Variants in OXR1 observed in about 807,000 individuals in gnomAD.
OXR1 encodes oxidation resistance protein 1.
Under a neutral mutation model 104.6 loss-of-function variants are expected in OXR1, and 41 were observed. The ratio of observed to expected loss-of-function variants is 0.39; its 90% CI spans 0.31 to 0.51. OXR1 has a LOEUF of 0.51. Ranked by LOEUF, OXR1 falls within the 20% of genes least tolerant of loss-of-function variation. The probability of loss-of-function intolerance (pLI) is 0.77; values close to 1 mark genes in which losing one functional copy is unlikely to be tolerated. For missense variants in OXR1, 955 were observed against 1,031.9 expected (o/e 0.93, Z 1.02); for synonymous variants, 348 against 348.4 (o/e 1.00, Z 0.01).
intron 3 of OXR1, chr8:106,605,019 G>A (rs1428789150): frequency 6.6e-6 from 1 of 152,188 alleles, no homozygotes; most frequent in East Asian, 1.9e-4. Flanking sequence ...TAATAGGTCA[G>A]ATGCTACATA....
chr8:106,300,172 T>C (rs1813169672), intron 1 of OXR1, among the ~76,000 whole-genome samples: 1 of 152,188 alleles, frequency 6.6e-6, no homozygotes, highest in Non-Finnish European at 1.5e-5. Context: ...CATCTCTATC[T>C]AGAAAGGTCA....
At chr8:106,276,725 C>T (rs1258098235) in intron 1 of OXR1, among the ~76,000 whole-genome samples, 1 of 148,852 alleles carries the variant, frequency 6.7e-6, no homozygotes, top group Admixed American at 6.7e-5. Context: ...AAGAGCTTCT[C>T]CTTTCAGCTG....
At chr8:106,750,660 A>G in intron 16 of OXR1, 146 bp from the exon 17 acceptor site, 1 of 595,884 alleles carries the variant, frequency 1.7e-6, no homozygotes, top group African/African-American at 1.9e-5. Flanking sequence ...AATAGGAGTA[A>G]AACAAAATTG....
chr8:106,514,992 T>G (rs1048596894), intron 2 of OXR1, among the ~76,000 whole-genome samples: 3 of 152,084 alleles, frequency 2.0e-5, no homozygotes, highest in African/African-American at 7.2e-5. Flanking sequence ...GAAATAAAAT[T>G]TATAGGATCA....
intron 2 of OXR1, among the ~76,000 whole-genome samples, chr8:106,439,419 T>G (rs1208395026): frequency 1.3e-5 from 2 of 152,102 alleles, no homozygotes; most frequent in African/African-American, 2.4e-5. Context: ...AAAAAGTTTG[T>G]TTTTTAACAC....
chr8:106,644,569 C>T lies in OXR1; in HGVS notation c.221-34641C>T, dbSNP rs534891837. ...ACATAGGGATCCAGACTGATGGAGG[C>T]TCCACCATCTTGTAGCTGTACCGTC... On this transcript the variant is annotated intron_variant, in intron 3 of 16. Coordinates refer to ENST00000517566, the MANE Select transcript of OXR1 (RefSeq NM_001198533.2). 5.3e-5 allele frequency among the ~76,000 whole-genome samples: 8 copies of T among 152,316 alleles called. No homozygotes were observed. The East Asian group carries it at 1.5e-3, about 29-fold the overall frequency.
At chr8:106,273,495 T>C (rs1811902616) in intron 1 of OXR1, among the ~76,000 whole-genome samples, 1 of 152,206 alleles carries the variant, frequency 6.6e-6, no homozygotes, top group Non-Finnish European at 1.5e-5. Flanking sequence ...TGCTGGTGTC[T>C]TGTGGGCCAG....
intron 1 of OXR1, among the ~76,000 whole-genome samples, chr8:106,327,591 C>A (rs1303659643): frequency 6.6e-6 from 1 of 152,158 alleles, no homozygotes; most frequent in Non-Finnish European, 1.5e-5. Flanking sequence ...AAATGCAGCT[C>A]ACCACATTGT....
chr8:106,404,415 G>C (rs775374258), intron 2 of OXR1, among the ~76,000 whole-genome samples: 2 of 152,140 alleles, frequency 1.3e-5, no homozygotes, highest in Non-Finnish European at 2.9e-5. Flanking sequence ...GAACCTGTGA[G>C]ACTAGGAGTT....
rs540833581 is a variant in OXR1, at chr8:106,389,471, G to C, written c.23+29835G>C. ...TATCCCTACCATGCCTATGAGGCCT[G>C]TGTCTATAGAGCCTAAATTAGTTTA... On this transcript the variant is annotated intron_variant, in intron 2 of 16. Transcript: ENST00000517566. Among the ~76,000 whole-genome samples, 6 of 152,272 alleles carry C rather than the reference G, an allele frequency of 3.9e-5. No homozygotes were observed. The South Asian group carries it at 1.2e-3, about 32-fold the overall frequency.
intron 1 of OXR1, among the ~76,000 whole-genome samples, chr8:106,323,107 G>A (rs769032707): frequency 3.3e-5 from 5 of 152,076 alleles, no homozygotes; most frequent in Non-Finnish European, 5.9e-5. Context: ...AAAGAACAAA[G>A]CTGGAGGCAT....
At chr8:106,680,667 C>G (rs1397292830) in intron 4 of OXR1, among the ~76,000 whole-genome samples, 2 of 152,078 alleles carry the variant, frequency 1.3e-5, no homozygotes, top group Non-Finnish European at 2.9e-5. Flanking sequence ...TTTTGCTTTT[C>G]TATTGACATT....
intron 7 of OXR1, among the ~76,000 whole-genome samples, chr8:106,695,575 G>A (rs527549522): frequency 1.1e-4 from 17 of 151,866 alleles, no homozygotes; most frequent in African/African-American, 3.9e-4. Context: ...ATGCCACCAC[G>A]TCTGGCTAAT....
chr8:106,476,266 A>C (rs549119950), intron 2 of OXR1, among the ~76,000 whole-genome samples: 1 of 151,964 alleles, frequency 6.6e-6, no homozygotes, highest in South Asian at 2.1e-4. Context: ...GGCCAGGAGC[A>C]TTTTCCGATA....
intron 3 of OXR1, among the ~76,000 whole-genome samples, chr8:106,575,110 G>C (rs936661673): frequency 6.6e-6 from 1 of 152,086 alleles, no homozygotes; most frequent in African/African-American, 2.4e-5. Context: ...AATTTAACCT[G>C]TAGAAGTTCC....
At position 106,692,774 on chromosome 8, in the gene OXR1, CT is replaced by C. The variant is rs1183540506; in HGVS notation, c.573del (p.Gly192ValfsTer42). On this transcript the variant is annotated frameshift_variant, in exon 7 of 17. Transcript: ENST00000517566. LOFTEE classifies it high-confidence loss of function. ...GAAGCAACTCCCTCATCTACTTTCACTGGTATTCGACCTGCACGAGTTGTAT... is the reference window on the plus strand; with the variant it reads ...GAAGCAACTCCCTCATCTACTTTCACGGTATTCGACCTGCACGAGTTGTAT... ...PTEATPSSTF[T>X]GIRPARVVSS... 1 of 1,587,270 alleles carries C rather than the reference CT, an allele frequency of 6.3e-7. No homozygotes were observed. Among genetic ancestry groups the C allele is most frequent in the Non-Finnish European group, 8.6e-7 (1 of 1,164,836 alleles).
At chr8:106,663,927 CA>C (rs1299104203) in intron 3 of OXR1, among the ~76,000 whole-genome samples, 16 of 152,250 alleles carry the variant, frequency 1.1e-4, no homozygotes, top group African/African-American at 3.6e-4. Flanking sequence ...CCAGTTGTTA[CA>C]GTAACTTTTT....
At chr8:106,329,354 T>G (rs903700916) in intron 1 of OXR1, among the ~76,000 whole-genome samples, 3 of 150,660 alleles carry the variant, frequency 2.0e-5, no homozygotes, top group African/African-American at 7.3e-5. Flanking sequence ...TTGACACTTT[T>G]TTTTTTTTTT....
chr8:106,702,545 G>C (rs1383690646), intron 7 of OXR1, among the ~76,000 whole-genome samples: 1 of 152,018 alleles, frequency 6.6e-6, no homozygotes, highest in Non-Finnish European at 1.5e-5. Flanking sequence ...ACTGTATTTG[G>C]TACTTGTAGT....
Sources: gnomAD v4.1 joint callset for allele counts (sites outside exome capture counted in the v4.1 genomes callset) on GRCh38, gnomAD v4.1.1 for gene constraint, MANE v1.5 for transcripts, NCBI Gene and HGNC (gene_info 2026-07-23, HGNC 2026-07-21) for gene names.